Variants in LOC400499 observed in about 807,000 individuals in gnomAD.
the LOC400499 span, among the ~76,000 whole-genome samples, chr16:11,484,189 A>G: frequency 6.6e-6 from 1 of 151,604 alleles, no homozygotes; most frequent in Non-Finnish European, 1.5e-5. Flanking sequence ...TTGTATTCTT[A>G]GTAGAGACAG....
the LOC400499 span, among the ~76,000 whole-genome samples, chr16:11,510,919 C>T: frequency 6.6e-6 from 1 of 151,372 alleles, no homozygotes; most frequent in Non-Finnish European, 1.5e-5. Flanking sequence ...GGATCAGGCC[C>T]TAAAGAACGG....
At chr16:11,433,525 C>T in the LOC400499 span, among the ~76,000 whole-genome samples, 1 of 152,190 alleles carries the variant, frequency 6.6e-6, no homozygotes, top group Non-Finnish European at 1.5e-5. Flanking sequence ...ATCCTTGACA[C>T]AGAGCTCCTA....
At chr16:11,474,472 G>A in the LOC400499 span, among the ~76,000 whole-genome samples, 5 of 152,040 alleles carry the variant, frequency 3.3e-5, no homozygotes, top group East Asian at 1.9e-4. Flanking sequence ...ATGATGCAAC[G>A]AACATCTTTG....
the LOC400499 span, among the ~76,000 whole-genome samples, chr16:11,375,991 G>A: frequency 7.2e-5 from 11 of 152,104 alleles, no homozygotes; most frequent in African/African-American, 2.2e-4. Flanking sequence ...CACCTGCCTC[G>A]GGCTCCCAAA....
chr16:11,406,445 C>T, the LOC400499 span, among the ~76,000 whole-genome samples: 137,523 of 152,216 alleles, frequency 0.9, 63,010 homozygotes, highest in Non-Finnish European at 0.98. Flanking sequence ...TCTTTTCTTC[C>T]TTTTGAGATG....
At chr16:11,493,729 C>T in the LOC400499 span, 1 of 396,348 alleles carries the variant, frequency 2.5e-6, no homozygotes, top group Admixed American at 4.5e-5. Flanking sequence ...TGCACAGGCA[C>T]TCAACGTAGG....
the LOC400499 span, among the ~76,000 whole-genome samples, chr16:11,452,658 G>A: frequency 6.6e-6 from 1 of 152,220 alleles, no homozygotes; most frequent in East Asian, 1.9e-4. Context: ...CCAAAATCCT[G>A]TGTAGAGTCT....
chr16:11,456,882 CG>C, the LOC400499 span: 1 of 1,536,242 alleles, frequency 6.5e-7, no homozygotes, highest in Non-Finnish European at 8.7e-7. Flanking sequence ...CAGGGTGGCC[CG>C]AGATGTGTCC....
the LOC400499 span, among the ~76,000 whole-genome samples, chr16:11,373,556 C>A: frequency 6.6e-6 from 1 of 151,772 alleles, no homozygotes; most frequent in Non-Finnish European, 1.5e-5. Context: ...AACTTTTGAC[C>A]TCAAGTGATC....
the LOC400499 span, chr16:11,417,758 A>G: frequency 5.0e-6 from 2 of 399,010 alleles, no homozygotes; most frequent in East Asian, 7.1e-5. Flanking sequence ...CAGCTCACAG[A>G]GTAGTTGAGG....
the LOC400499 span, chr16:11,392,436 G>A: frequency 1.0e-4 from 41 of 399,056 alleles, no homozygotes; most frequent in African/African-American, 8.0e-4. Context: ...TCCCGGAACA[G>A]GACCTCCGCC....
chr16:11,403,472 TGA>T, the LOC400499 span, among the ~76,000 whole-genome samples: 16 of 148,206 alleles, frequency 1.1e-4, no homozygotes, highest in African/African-American at 4.0e-4. Context: ...CATACACACA[TGA>T]GCACACATAC....
At chr16:11,485,076 G>A in the LOC400499 span, 1 of 398,982 alleles carries the variant, frequency 2.5e-6, no homozygotes, top group South Asian at 1.3e-4. Flanking sequence ...AGCCCAAGCT[G>A]GGAAGGGAAG....
chr16:11,406,378 T>A, the LOC400499 span, among the ~76,000 whole-genome samples: 1 of 152,210 alleles, frequency 6.6e-6, no homozygotes, highest in Non-Finnish European at 1.5e-5. Context: ...CCATGGTGTA[T>A]ATATACCACA....
chr16:11,384,791 C>T, the LOC400499 span: 1 of 1,088,206 alleles, frequency 9.2e-7, no homozygotes. Context: ...AGAGGCTCTG[C>T]ATGCACGGTA....
the LOC400499 span, among the ~76,000 whole-genome samples, chr16:11,411,084 A>G: frequency 0.16 from 23,976 of 152,020 alleles, 1,949 homozygotes; most frequent in South Asian, 0.27. Context: ...TATGTTTGGG[A>G]AAGCTGGAGC....
the LOC400499 span, among the ~76,000 whole-genome samples, chr16:11,506,010 T>C: frequency 0.038 from 5,715 of 152,210 alleles, 138 homozygotes; most frequent in Non-Finnish European, 0.052. Flanking sequence ...ATTAGTCAGC[T>C]ATGCTAAAAC....
the LOC400499 span, among the ~76,000 whole-genome samples, chr16:11,504,516 T>C: frequency 6.6e-6 from 1 of 151,898 alleles, no homozygotes; most frequent in Non-Finnish European, 1.5e-5. Flanking sequence ...ATTACGCCAC[T>C]GCACTTTCCA....
chr16:11,461,496 C>G, the LOC400499 span, among the ~76,000 whole-genome samples: 2 of 152,190 alleles, frequency 1.3e-5, no homozygotes, highest in Non-Finnish European at 2.9e-5. Context: ...GCTGGGATTT[C>G]AGGCGTGAGA....
Sources: gnomAD v4.1 joint callset for allele counts (sites outside exome capture counted in the v4.1 genomes callset) on GRCh38, gnomAD v4.1.1 for gene constraint, MANE v1.5 for transcripts.